Variants in PCDH9 observed in about 807,000 individuals in gnomAD.
PCDH9 encodes protocadherin-9.
PCDH9 carries 24 observed loss-of-function variants against 70.6 expected under a neutral mutation model. That is an observed-to-expected ratio of 0.34 (90% CI 0.25 to 0.48). The LOEUF is 0.48. Among genes scored for constraint, PCDH9 ranks in the 20% least tolerant of loss-of-function variants. The pLI is 0.99. For missense variants in PCDH9, 1,281 were observed against 1,503.6 expected (o/e 0.85, Z 2.45); for synonymous variants, 562 against 558.5 (o/e 1.01, Z -0.09).
intron 2 of PCDH9, chr13:67,001,959 T>C (rs2084254103): frequency 6.6e-6 from 1 of 152,218 alleles, no homozygotes; most frequent in Non-Finnish European, 1.5e-5. Flanking sequence ...TTCCACTGTA[T>C]TGAATCACTT....
At chr13:66,959,950 T>C (rs1346612093) in intron 2 of PCDH9, among the ~76,000 whole-genome samples, 2 of 152,086 alleles carry the variant, frequency 1.3e-5, no homozygotes, top group East Asian at 3.8e-4. Flanking sequence ...CCTAAGAACA[T>C]TGTCATTTCT....
At chr13:66,814,822 G>GA (rs755609231) in intron 3 of PCDH9, among the ~76,000 whole-genome samples, 8 of 151,978 alleles carry the variant, frequency 5.3e-5, no homozygotes, top group Non-Finnish European at 1.0e-4. Context: ...GATAATCTAG[G>GA]AAATACCATT....
At chr13:66,653,878 GA>G (rs1345132072) in intron 3 of PCDH9, among the ~76,000 whole-genome samples, 1 of 151,184 alleles carries the variant, frequency 6.6e-6, no homozygotes. Context: ...TGAGGCAGGA[GA>G]ATGGCTTGAA....
intron 2 of PCDH9, among the ~76,000 whole-genome samples, chr13:66,992,902 TA>T (rs35934997): frequency 0.5 from 69,981 of 138,900 alleles, 17,101 homozygotes; most frequent in East Asian, 0.61. Flanking sequence ...CTCTGACTCC[TA>T]AAAAAAAAAA....
At chr13:66,649,563 G>A (rs751767540) in intron 3 of PCDH9, among the ~76,000 whole-genome samples, 15 of 151,960 alleles carry the variant, frequency 9.9e-5, no homozygotes, top group Non-Finnish European at 2.2e-4. Flanking sequence ...AATGCTAAAG[G>A]GAATTCTTCA....
chr13:66,859,024 G>A (rs780791178), intron 3 of PCDH9: 2 of 152,242 alleles, frequency 1.3e-5, no homozygotes, highest in East Asian at 1.9e-4. Context: ...GAAGTCGACT[G>A]TTCAGTGCCC....
intron 4 of PCDH9, among the ~76,000 whole-genome samples, chr13:66,362,230 T>G (rs1956483264): frequency 6.6e-6 from 1 of 152,180 alleles, no homozygotes; most frequent in Non-Finnish European, 1.5e-5. Context: ...AAATCTTTTA[T>G]GGGTTTAAAC....
intron 2 of PCDH9, among the ~76,000 whole-genome samples, chr13:66,917,405 C>T (rs1314838730): frequency 1.3e-5 from 2 of 151,426 alleles, no homozygotes; most frequent in African/African-American, 2.4e-5. Context: ...ATTCTAGAAA[C>T]ATTTTATATT....
At chr13:66,600,078 T>G (rs568590897) in intron 4 of PCDH9, among the ~76,000 whole-genome samples, 2 of 151,998 alleles carry the variant, frequency 1.3e-5, no homozygotes, top group South Asian at 4.1e-4. Context: ...CAGTAAATTT[T>G]GAATTAATAA....
chr13:66,832,474 C>A (rs1016995077), intron 3 of PCDH9, among the ~76,000 whole-genome samples: 1 of 151,882 alleles, frequency 6.6e-6, no homozygotes, highest in African/African-American at 2.4e-5. Flanking sequence ...CAAATCTCTA[C>A]AAAATATGAA....
At chr13:67,071,188 TG>T (rs1448645127) in intron 2 of PCDH9, among the ~76,000 whole-genome samples, 2 of 152,148 alleles carry the variant, frequency 1.3e-5, no homozygotes, top group African/African-American at 4.8e-5. Context: ...AATAATCAAA[TG>T]TAATAGTTTA....
chr13:66,497,696 T>C (rs1959137910), intron 4 of PCDH9, among the ~76,000 whole-genome samples: 1 of 152,090 alleles, frequency 6.6e-6, no homozygotes, highest in Non-Finnish European at 1.5e-5. Flanking sequence ...GAGGGTTTGA[T>C]AACCCAGGTT....
intron 4 of PCDH9, among the ~76,000 whole-genome samples, chr13:66,584,760 A>G (rs142113517): frequency 5.3e-5 from 8 of 152,274 alleles, no homozygotes; most frequent in South Asian, 4.2e-4. Flanking sequence ...TGATAGAGGA[A>G]GGAATGAAAT....
chr13:66,994,559 T>G (rs1286752414), intron 2 of PCDH9, among the ~76,000 whole-genome samples: 4 of 149,378 alleles, frequency 2.7e-5, no homozygotes, highest in African/African-American at 9.7e-5. Context: ...TGATAAGAAT[T>G]CTTTCATTCT....
At chr13:67,110,787 T>C (rs2086644482) in intron 2 of PCDH9, among the ~76,000 whole-genome samples, 1 of 152,200 alleles carries the variant, frequency 6.6e-6, no homozygotes, top group Non-Finnish European at 1.5e-5. Context: ...TCTGTTTATC[T>C]CTCTGAGTCT....
chr13:66,345,116 T>C (rs986871445), intron 4 of PCDH9, among the ~76,000 whole-genome samples: 1 of 152,146 alleles, frequency 6.6e-6, no homozygotes, highest in Admixed American at 6.5e-5. Context: ...AGATGTATAA[T>C]TCGGGTAATG....
chr13:66,431,624 A>G (rs1957771845), intron 4 of PCDH9, among the ~76,000 whole-genome samples: 1 of 152,080 alleles, frequency 6.6e-6, no homozygotes, highest in Admixed American at 6.6e-5. Context: ...ATGAACATAC[A>G]TGTATTTAAC....
chr13:67,012,629 A>T (rs937412890), intron 2 of PCDH9, among the ~76,000 whole-genome samples: 1 of 152,050 alleles, frequency 6.6e-6, no homozygotes, highest in African/African-American at 2.4e-5. Flanking sequence ...ATGGTTAGTG[A>T]GTCGCATTTT....
rs1040688318 is a variant in PCDH9, at chr13:66,629,182, A to G, written c.3340+2028T>C. On this transcript the variant is annotated intron_variant, in intron 4 of 4. Coordinates refer to ENST00000377865, the MANE Select transcript of PCDH9 (RefSeq NM_203487.3). ...AATTGCACATACTACAAATACTTTG[A>G]AGATATCTTTGTAAATTAACTTTGG... Among the ~76,000 whole-genome samples, 72 of 152,338 alleles carry G rather than the reference A, an allele frequency of 4.7e-4. 1 individual carries two copies. The highest frequency in any genetic ancestry group is 1.7e-3 in the African/African-American group (72 of 41,572).
Sources: allele counts gnomAD v4.1 joint callset (sites outside exome capture counted in the v4.1 genomes callset), GRCh38; gene constraint gnomAD v4.1.1; transcripts MANE v1.5; gene names NCBI Gene and HGNC (gene_info 2026-07-23, HGNC 2026-07-21).